TAFA5: variants seen among roughly 807,000 people sequenced by gnomAD.
The protein encoded by TAFA5 is chemokine-like protein TAFA-5.
Under a neutral mutation model 15.3 loss-of-function variants are expected in TAFA5, and 6 were observed. That is an observed-to-expected ratio of 0.39 (90% CI 0.21 to 0.77). TAFA5 has a LOEUF of 0.77. TAFA5 is among the 30% of genes least tolerant of loss of function. The pLI, the probability that TAFA5 is intolerant of heterozygous loss-of-function variation, is 0.41. For synonymous variants in TAFA5, 103 were observed against 80.7 expected (o/e 1.28, Z -1.48); for missense variants, 161 against 193.1 (o/e 0.83, Z 0.98).
intron 3 of TAFA5, among the ~76,000 whole-genome samples, chr22:48,737,648 T>C (rs1227134719): frequency 6.6e-6 from 1 of 152,186 alleles, no homozygotes; most frequent in African/African-American, 2.4e-5. Context: ...CAGAGCCACG[T>C]CCTTCACACG....
intron 3 of TAFA5, among the ~76,000 whole-genome samples, chr22:48,713,127 C>A (rs1929303527): frequency 6.6e-6 from 1 of 152,206 alleles, no homozygotes; most frequent in African/African-American, 2.4e-5. Flanking sequence ...TTGAGTACCA[C>A]CTTCTAATTC....
At chr22:48,541,843 A>C (rs1922384639) in intron 1 of TAFA5, among the ~76,000 whole-genome samples, 2 of 152,184 alleles carry the variant, frequency 1.3e-5, no homozygotes, top group African/African-American at 4.8e-5. Flanking sequence ...AGGCCCCAGC[A>C]GTGCTGTCTT....
intron 2 of TAFA5, among the ~76,000 whole-genome samples, chr22:48,657,766 T>C (rs1322882683): frequency 2.0e-5 from 3 of 152,130 alleles, no homozygotes; most frequent in African/African-American, 7.2e-5. Context: ...CAGTGGGTCC[T>C]GATGCCTCCA....
chr22:48,602,689 T>C (rs1156396262), intron 1 of TAFA5, among the ~76,000 whole-genome samples: 1 of 152,230 alleles, frequency 6.6e-6, no homozygotes, highest in African/African-American at 2.4e-5. Context: ...ACATGTCTGT[T>C]GGACTCTGGC....
intron 2 of TAFA5, among the ~76,000 whole-genome samples, chr22:48,679,183 G>A (rs1460400928): frequency 8.7e-5 from 3 of 34,682 alleles, no homozygotes; most frequent in East Asian, 9.0e-4. Context: ...TCCCTCTCCC[G>A]GCTCCCTGTC....
chr22:48,699,453 G>T (rs542574752), intron 2 of TAFA5, among the ~76,000 whole-genome samples: 3 of 152,178 alleles, frequency 2.0e-5, no homozygotes, highest in African/African-American at 7.2e-5. Context: ...GATGCTTCTC[G>T]GTGACAGGGC....
intron 3 of TAFA5, among the ~76,000 whole-genome samples, chr22:48,746,446 A>C (rs1011047768): frequency 1.3e-5 from 2 of 152,142 alleles, no homozygotes; most frequent in African/African-American, 2.4e-5. Context: ...GTGAGCTGCA[A>C]TCGCACCACT....
chr22:48,643,417 C>T (rs1254986211), intron 1 of TAFA5, among the ~76,000 whole-genome samples: 1 of 152,110 alleles, frequency 6.6e-6, no homozygotes, highest in Non-Finnish European at 1.5e-5. Context: ...TGAGAGTGTT[C>T]GGTTGGCCGT....
chr22:48,520,946 C>G (rs542243239), intron 1 of TAFA5, among the ~76,000 whole-genome samples: 2 of 152,280 alleles, frequency 1.3e-5, no homozygotes, highest in South Asian at 4.2e-4. Context: ...GGACCTGTCC[C>G]CACCGTAAGC....
intron 1 of TAFA5, among the ~76,000 whole-genome samples, chr22:48,564,104 G>A (rs1056750312): frequency 1.3e-5 from 2 of 152,236 alleles, no homozygotes; most frequent in African/African-American, 4.8e-5. Flanking sequence ...CGGGGAGTGC[G>A]GTCCACAAAG....
chr22:48,508,541 G>A (rs116869422), intron 1 of TAFA5, among the ~76,000 whole-genome samples: 1,776 of 152,318 alleles, frequency 0.012, 12 homozygotes, highest in Non-Finnish European at 0.019. Context: ...CCAGAGCCAC[G>A]TATGGGGCCC....
intron 3 of TAFA5, among the ~76,000 whole-genome samples, chr22:48,736,202 GGAGTCCA>G: frequency 2.3e-5 from 1 of 44,338 alleles, no homozygotes; most frequent in South Asian, 6.5e-4. Context: ...TCACACTCCT[GGAGTCCA>G]GAGTCCATCC....
At chr22:48,576,194 T>G (rs2147141701) in intron 1 of TAFA5, 2 of 209,568 alleles carry the variant, frequency 9.5e-6, no homozygotes, top group South Asian at 2.0e-4. Flanking sequence ...GGTGGCCGAG[T>G]GGTCGGAGCG....
At chr22:48,581,562 G>GCCGTGT (rs1300745338) in intron 1 of TAFA5, among the ~76,000 whole-genome samples, 1 of 152,326 alleles carries the variant, frequency 6.6e-6, no homozygotes. Context: ...CACTGGCGAG[G>GCCGTGT]CCGTGTCCGT....
chr22:48,615,564 A>G (rs550467919), intron 1 of TAFA5, among the ~76,000 whole-genome samples: 65 of 152,218 alleles, frequency 4.3e-4, no homozygotes, highest in Non-Finnish European at 9.0e-4. Flanking sequence ...GTGGTCATAA[A>G]TAAATCCCTT....
chr22:48,705,944 A>G (rs932253042), intron 2 of TAFA5, among the ~76,000 whole-genome samples: 1 of 152,196 alleles, frequency 6.6e-6, no homozygotes, highest in Admixed American at 6.5e-5. Context: ...TCTTTATTTA[A>G]AAAAAGGAAA....
At chr22:48,516,033 G>T (rs2147104246) in intron 1 of TAFA5, among the ~76,000 whole-genome samples, 1 of 152,186 alleles carries the variant, frequency 6.6e-6, no homozygotes, top group African/African-American at 2.4e-5. Context: ...CCGCCGCTCA[G>T]CACCCGCCGG....
intron 1 of TAFA5, among the ~76,000 whole-genome samples, chr22:48,601,714 T>G (rs1924979999): frequency 6.6e-6 from 1 of 152,184 alleles, no homozygotes; most frequent in African/African-American, 2.4e-5. Flanking sequence ...CAGAACCCAG[T>G]TCTCCTCCCT....
intron 3 of TAFA5, among the ~76,000 whole-genome samples, chr22:48,736,607 C>T (rs896728754): frequency 6.6e-5 from 10 of 152,214 alleles, no homozygotes; most frequent in South Asian, 2.1e-4. Context: ...AGCGGTCCCA[C>T]GGAAAAACAA....
Sources: gnomAD v4.1 joint callset for allele counts (sites outside exome capture counted in the v4.1 genomes callset) on GRCh38, gnomAD v4.1.1 for gene constraint, MANE v1.5 for transcripts, NCBI Gene and HGNC (gene_info 2026-07-23, HGNC 2026-07-21) for gene names.